The following LRIG1 variants were observed in gnomAD, a reference collection of about 807,000 sequenced individuals.
LRIG1 encodes the protein leucine-rich repeats and immunoglobulin-like domains protein 1.
Under a neutral mutation model 99.2 loss-of-function variants are expected in LRIG1, and 48 were observed. The ratio of observed to expected loss-of-function variants is 0.48; its 90% CI spans 0.38 to 0.62. The LOEUF (loss-of-function observed/expected upper bound fraction) is 0.62. LRIG1 is among the 20% of genes least tolerant of loss of function. The probability of loss-of-function intolerance (pLI) is 0.00; values close to 1 mark genes in which losing one functional copy is unlikely to be tolerated. For missense variants in LRIG1, 1,646 were observed against 1,434.4 expected, an observed-to-expected ratio of 1.15 and a Z score of -2.38; for synonymous variants, 772 against 596.1, an observed-to-expected ratio of 1.29 and a Z score of -4.30.
At chr3:66,431,115 G>A (rs191151279) in intron 3 of LRIG1, among the ~76,000 whole-genome samples, 5 of 152,278 alleles carry the variant, frequency 3.3e-5, no homozygotes, top group South Asian at 2.1e-4. Flanking sequence ...CGGCACAACC[G>A]TGGATCCCGG....
At chr3:66,444,144 C>T (rs1482644557) in intron 3 of LRIG1, among the ~76,000 whole-genome samples, 5 of 152,160 alleles carry the variant, frequency 3.3e-5, no homozygotes, top group Non-Finnish European at 7.3e-5. Flanking sequence ...CACCTGTAAG[C>T]AGAGCTGCCA....
chr3:66,485,364 C>A (rs534185482), intron 1 of LRIG1, among the ~76,000 whole-genome samples: 1 of 152,220 alleles, frequency 6.6e-6, no homozygotes, highest in East Asian at 1.9e-4. Flanking sequence ...TGCATAAACT[C>A]CATCAGCAGG....
At chr3:66,417,354 A>G (rs1702646497) in intron 3 of LRIG1, 88 bp from the exon 4 acceptor site, 2 of 1,343,342 alleles carry the variant, frequency 1.5e-6, no homozygotes, top group South Asian at 2.6e-5. Flanking sequence ...ACCCCCCACC[A>G]ATATAACTAC....
At chr3:66,451,718 G>A in intron 2 of LRIG1, 85 bp from the exon 3 acceptor site, 6 of 968,110 alleles carry the variant, frequency 6.2e-6, no homozygotes, top group Non-Finnish European at 9.7e-6. Flanking sequence ...AACAAACGCT[G>A]CTAAGTCTGC....
rs749199016 is a variant in LRIG1, at chr3:66,382,384, G to A, written c.2506C>T (p.Pro836Ser). Residue 836 changes from proline to serine, a missense_variant, in exon 16 of 19, where the codon CCA becomes TCA. Transcript: ENST00000273261. ...GAGAGGTAGCTTGGAACATCTGGTG[G>A]CACGACGGTTTCATCTGCAAGGAGA... ...SVTNTDETVV[P>S]PDVPSYLSSQ... is the part of the protein sequence containing the mutation. 1.9e-6 allele frequency: 3 copies of A among 1,614,200 alleles called. No individual in the cohort carries two copies. Among genetic ancestry groups the A allele is most frequent in the South Asian group, 1.1e-5 (1 of 91,084 alleles).
intron 9 of LRIG1, 46 bp from the exon 10 acceptor site, chr3:66,399,087 G>GA (rs749741249): frequency 1.4e-6 from 2 of 1,429,470 alleles, no homozygotes; most frequent in African/African-American, 2.8e-5. Flanking sequence ...GAAGGAAAGC[G>GA]AAACAGGAAG....
intron 1 of LRIG1, among the ~76,000 whole-genome samples, chr3:66,488,629 T>A (rs531073169): frequency 6.6e-6 from 1 of 152,194 alleles, no homozygotes; most frequent in Non-Finnish European, 1.5e-5. Flanking sequence ...AGAGTGAGAC[T>A]CTGCCTCAAA....
intron 12 of LRIG1, among the ~76,000 whole-genome samples, chr3:66,391,122 C>T (rs7653758): frequency 0.3 from 45,686 of 152,016 alleles, 7,888 homozygotes; most frequent in African/African-American, 0.47. Flanking sequence ...CTCTATTTTA[C>T]ACTCACGAGT....
chr3:66,421,631 T>C (rs1196722864), intron 3 of LRIG1, among the ~76,000 whole-genome samples: 1 of 152,154 alleles, frequency 6.6e-6, no homozygotes, highest in Non-Finnish European at 1.5e-5. Flanking sequence ...CTTTTCCAGG[T>C]GCCCGGTGCA....
chr3:66,381,201 C>CTGACT (rs1344221972), intron 17 of LRIG1, among the ~76,000 whole-genome samples: 1 of 152,214 alleles, frequency 6.6e-6, no homozygotes, highest in Non-Finnish European at 1.5e-5. Context: ...TGAAAAAGTG[C>CTGACT]TGACTGAAAC....
chr3:66,443,376 G>A (rs958001586), intron 3 of LRIG1, among the ~76,000 whole-genome samples: 1 of 150,908 alleles, frequency 6.6e-6, no homozygotes, highest in Admixed American at 6.6e-5. Flanking sequence ...GGGGGTGTGT[G>A]TGTGCACAAA....
intron 17 of LRIG1, 29 bp from the exon 18 acceptor site, chr3:66,380,890 A>G: frequency 1.2e-6 from 2 of 1,607,248 alleles, no homozygotes; most frequent in East Asian, 2.2e-5. Context: ...GATGGGTTAG[A>G]GTCACTGCTG....
At chr3:66,488,429 C>A (rs1701022111) in intron 1 of LRIG1, among the ~76,000 whole-genome samples, 1 of 148,444 alleles carries the variant, frequency 6.7e-6, no homozygotes, top group Admixed American at 6.7e-5. Context: ...GAGTTCAAAA[C>A]CAGCCTGGCC....
Position 66,407,627 on chromosome 3 carries a change from A to G in LRIG1, c.936-136T>C, listed in dbSNP as rs954985965. 10 of 858,588 alleles carry G rather than the reference A, an allele frequency of 1.2e-5. No individual in the cohort carries two copies. In the African/African-American group the frequency reaches 1.5e-4, roughly 13 times the overall value. 53.2% of individuals were successfully genotyped at this position (858,588 alleles called of 1,614,324 possible). A position where few individuals can be genotyped will look rare whatever the true frequency, so the allele number is the denominator to read the frequency against. On this transcript the variant is annotated intron_variant, in intron 7 of 18. Transcript: ENST00000273261. ...TGCACACGCACGCGCGTGCGTGCAC[A>G]CACACACCCACACCCACAGAATCCT...
intron 3 of LRIG1, among the ~76,000 whole-genome samples, chr3:66,420,769 T>C (rs1480145457): frequency 6.6e-6 from 1 of 152,242 alleles, no homozygotes; most frequent in East Asian, 1.9e-4. Flanking sequence ...AGAATGGTGG[T>C]GTCCAGGGAC....
chr3:66,500,771 T>A lies in LRIG1; in HGVS notation c.-364A>T. ...CCGAGGGCAGTGCTGCCGCTGCGCC[T>A]GGAAGACAGGCGTTCAGCCCCGCAG... On this transcript the variant is annotated 5_prime_UTR_variant, in exon 1 of 19. Coordinates refer to ENST00000273261, the MANE Select transcript of LRIG1 (RefSeq NM_015541.3). 1 of 165,294 alleles carries A rather than the reference T, an allele frequency of 6.0e-6. No individual in the cohort carries two copies. Among genetic ancestry groups the A allele is most frequent in the Non-Finnish European group, 1.3e-5 (1 of 77,044 alleles). 10.2% of individuals were successfully genotyped at this position (165,294 alleles called of 1,614,324 possible). A position where few individuals can be genotyped will look rare whatever the true frequency, so the allele number is the denominator to read the frequency against.
chr3:66,477,609 A>C lies in LRIG1; in HGVS notation c.219-15100T>G, dbSNP rs572929132. On this transcript the variant is annotated intron_variant, in intron 1 of 18. Transcript: ENST00000273261. ...GATGTCTTATTACAAGGAGAAGATA[A>C]GTTTTTATACTTCAGTCATCCTCAA... Among the ~76,000 whole-genome samples, 12 of 152,310 alleles carry C rather than the reference A, an allele frequency of 7.9e-5. No homozygotes were observed. The East Asian group carries it at 1.2e-3, about 15-fold the overall frequency.
At chr3:66,396,530 G>C (rs962635699) in intron 11 of LRIG1, among the ~76,000 whole-genome samples, 8 of 152,228 alleles carry the variant, frequency 5.3e-5, no homozygotes, top group Non-Finnish European at 7.3e-5. Flanking sequence ...TCTCTCATCT[G>C]AGGACTGGGC....
Position 66,386,314 on chromosome 3 carries a change from G to A in LRIG1, c.1469-13C>T, listed in dbSNP as rs773762944. On this transcript the variant is annotated splice_polypyrimidine_tract_variant and intron_variant, in intron 12 of 18. Coordinates refer to ENST00000273261, the MANE Select transcript of LRIG1 (RefSeq NM_015541.3). ...TTCAGGAAGTCATCTGGGGAGAGAA[G>A]GGTCAACTGTAAAGCGCTGGGTTCT... 6 of 1,610,896 alleles carry A rather than the reference G, an allele frequency of 3.7e-6. No individual in the cohort carries two copies. Among genetic ancestry groups the A allele is most frequent in the South Asian group, 3.3e-5 (3 of 90,758 alleles).
Sources: allele counts gnomAD v4.1 joint callset (sites outside exome capture counted in the v4.1 genomes callset), GRCh38; gene constraint gnomAD v4.1.1; transcripts MANE v1.5; gene names NCBI Gene and HGNC (gene_info 2026-07-23, HGNC 2026-07-21).